Variants in XXYLT1 observed in about 807,000 individuals in gnomAD.
XXYLT1 encodes xyloside xylosyltransferase 1, also known as UDP-xylose:alpha-xyloside alpha-1,3-xylosyltransferase.
In XXYLT1, 20 loss-of-function variants were observed where a neutral mutation model predicts 28.9. The observed-to-expected ratio is 0.69, with a 90% confidence interval of 0.49 to 1.00. The LOEUF is 1.00. Among genes scored for constraint, XXYLT1 ranks in the 50% least tolerant of loss-of-function variants. XXYLT1 has a pLI of 0.00. For missense variants in XXYLT1, 542 were observed against 560.1 expected (o/e 0.97, Z 0.33); for synonymous variants, 257 against 253.8 (o/e 1.01, Z -0.12).
Position 195,257,872 on chromosome 3 carries a change from G to A in XXYLT1, c.504+12683C>T, listed in dbSNP as rs1046533947. Among the ~76,000 whole-genome samples, 2 of 152,004 alleles carry A rather than the reference G, an allele frequency of 1.3e-5. No individual in the cohort carries two copies. The highest frequency in any genetic ancestry group is 4.8e-5 in the African/African-American group (2 of 41,382). ...AGGTCACATGCTACCCACGTATCAT[G>A]GGTGTATATCCTCCAAGCTCCCTGC... On this transcript the variant is annotated intron_variant, in intron 1 of 3. Transcript: ENST00000310380. This position sits in a 1 kb window ranked among gnomAD's most constrained non-coding sequence, Gnocchi z 4.3.
chr3:195,180,662 C>T lies in XXYLT1; in HGVS notation c.653-24081G>A, dbSNP rs541184289. 10 of 551,736 alleles carry T rather than the reference C, an allele frequency of 1.8e-5. No homozygotes were observed. In the South Asian group the frequency reaches 5.6e-4, roughly 31 times the overall value. 34.2% of individuals were successfully genotyped at this position (551,736 alleles called of 1,614,324 possible). A position where few individuals can be genotyped will look rare whatever the true frequency, so the allele number is the denominator to read the frequency against. ...CTGGAGCACCCCGTGCCACTGCAAA[C>T]GTGACCAGGAACATGGGTCTGACAG... On this transcript the variant is annotated intron_variant, in intron 2 of 3. Transcript: ENST00000310380. This position sits in a 1 kb window ranked among gnomAD's most constrained non-coding sequence, Gnocchi z 5.8.
In XXYLT1 at chr3:195,270,842, GCTCCAGCGCGGGCGGC is replaced by G. The variant is rs1560186109; in HGVS notation, c.201_216del (p.Pro68Ter). The G allele has an allele frequency of 7.0e-7, 1 of 1,422,396 alleles. No individual in the cohort carries two copies. Among genetic ancestry groups the G allele is most frequent in the Non-Finnish European group, 9.1e-7 (1 of 1,093,194 alleles). 88.1% of individuals were successfully genotyped at this position (1,422,396 alleles called of 1,614,324 possible). A position where few individuals can be genotyped will look rare whatever the true frequency, so the allele number is the denominator to read the frequency against. On this transcript the variant is annotated frameshift_variant, in exon 1 of 4. Coordinates refer to ENST00000310380, the MANE Select transcript of XXYLT1 (RefSeq NM_152531.5). LOFTEE classifies it high-confidence loss of function. ...GCTGGCGCCACGGAGCCCCGCGCTA[GCTCCAGCGCGGGCGGC>G]GAGGGCGCGGCGGGAGCCCCGGCGC...
chr3:195,226,616 T>C, intron 2 of XXYLT1, 93 bp downstream of exon 2: 2 of 1,475,430 alleles, frequency 1.4e-6, no homozygotes, highest in Non-Finnish European at 1.8e-6. Context: ...GGAGCTATTC[T>C]CCCTGATACA....
intron 3 of XXYLT1, among the ~76,000 whole-genome samples, chr3:195,128,428 C>T (rs1402502887): frequency 6.6e-6 from 1 of 152,176 alleles, no homozygotes; most frequent in Non-Finnish European, 1.5e-5. Flanking sequence ...CACCATGCAA[C>T]CAATGTCAAC....
At chr3:195,248,895 G>A (rs558235147) in intron 1 of XXYLT1, among the ~76,000 whole-genome samples, 19 of 152,286 alleles carry the variant, frequency 1.2e-4, no homozygotes, top group African/African-American at 4.3e-4. Context: ...ACTCCAGCCT[G>A]GGGGACAGAG....
chr3:195,221,863 G>C (rs1723839789), intron 2 of XXYLT1, among the ~76,000 whole-genome samples: 1 of 152,186 alleles, frequency 6.6e-6, no homozygotes, highest in Non-Finnish European at 1.5e-5. Flanking sequence ...TGTCTGTGGA[G>C]GGCACACAGG....
At chr3:195,204,653 G>A (rs1438153039) in intron 2 of XXYLT1, among the ~76,000 whole-genome samples, 1 of 152,174 alleles carries the variant, frequency 6.6e-6, no homozygotes, top group Non-Finnish European at 1.5e-5. Context: ...GTCTTCATGG[G>A]TTGCTCAGGC....
chr3:195,166,779 T>C (rs1027791311), intron 2 of XXYLT1, among the ~76,000 whole-genome samples: 4 of 152,130 alleles, frequency 2.6e-5, no homozygotes, highest in Non-Finnish European at 1.5e-5. Flanking sequence ...CCTCCTGGGT[T>C]CAAGTGATTC....
chr3:195,093,031 C>G (rs1288549495), intron 3 of XXYLT1, among the ~76,000 whole-genome samples: 2 of 92,604 alleles, frequency 2.2e-5, no homozygotes. Context: ...CAGGAAACAA[C>G]AGGTGCTGGA....
Position 195,176,001 on chromosome 3 carries a change from G to C in XXYLT1, c.653-19420C>G, listed in dbSNP as rs1254640739. On this transcript the variant is annotated intron_variant, in intron 2 of 3. Transcript: ENST00000310380. The surrounding 1 kb of genome is among the most constrained non-coding windows in gnomAD (Gnocchi z 4.9). ...CACAGAGGTCATCAGTGTATACGTA[G>C]CAGCTTAAGTCAAGTAGACACAATC... 4 of 973,764 alleles carry C rather than the reference G, an allele frequency of 4.1e-6. No homozygotes were observed. Among genetic ancestry groups the C allele is most frequent in the Non-Finnish European group, 5.3e-6 (4 of 753,586 alleles). 60.3% of individuals were successfully genotyped at this position (973,764 alleles called of 1,614,324 possible).
intron 1 of XXYLT1, among the ~76,000 whole-genome samples, chr3:195,266,769 A>G (rs978748078): frequency 6.6e-6 from 1 of 152,120 alleles, no homozygotes; most frequent in Non-Finnish European, 1.5e-5. Context: ...CCATCCAAAT[A>G]CAGACTTCCA....
chr3:195,121,746 C>T (rs779014873), intron 3 of XXYLT1, among the ~76,000 whole-genome samples: 13 of 152,158 alleles, frequency 8.5e-5, no homozygotes, highest in Non-Finnish European at 1.6e-4. Flanking sequence ...CTCGCCAGGT[C>T]GGGGACTCAG....
chr3:195,113,810 G>A (rs1421433914), intron 3 of XXYLT1, among the ~76,000 whole-genome samples: 1 of 152,150 alleles, frequency 6.6e-6, no homozygotes, highest in African/African-American at 2.4e-5. Context: ...GGGTGGAAAG[G>A]AGCCCTGGGC....
At chr3:195,259,743 G>A in intron 1 of XXYLT1, 2 of 917,346 alleles carry the variant, frequency 2.2e-6, no homozygotes, top group African/African-American at 1.8e-5. Context: ...GGCGGCCTCG[G>A]GTCTTTTGCC....
intron 3 of XXYLT1, among the ~76,000 whole-genome samples, chr3:195,107,295 G>A (rs893683147): frequency 8.6e-5 from 13 of 151,360 alleles, no homozygotes; most frequent in Non-Finnish European, 1.6e-4. Context: ...CCAAGATGGC[G>A]AAACCTCGCC....
chr3:195,081,623 A>C (rs1264592142), intron 3 of XXYLT1, among the ~76,000 whole-genome samples: 1 of 152,260 alleles, frequency 6.6e-6, no homozygotes, highest in Admixed American at 6.5e-5. Context: ...TCTACACTGG[A>C]GAAGGCACTC....
chr3:195,109,492 T>A (rs1275756069), intron 3 of XXYLT1, among the ~76,000 whole-genome samples: 5 of 81,304 alleles, frequency 6.1e-5, no homozygotes, highest in Non-Finnish European at 1.4e-4. Context: ...GTGTGTGAGG[T>A]ATGTGTACGT....
intron 3 of XXYLT1, among the ~76,000 whole-genome samples, chr3:195,145,695 C>G (rs1373479682): frequency 6.6e-6 from 1 of 152,230 alleles, no homozygotes; most frequent in East Asian, 1.9e-4. Flanking sequence ...TCTGAAAGTC[C>G]ATAGAATCCA....
intron 2 of XXYLT1, among the ~76,000 whole-genome samples, chr3:195,159,870 G>T (rs1313433877): frequency 1.3e-5 from 2 of 152,260 alleles, no homozygotes; most frequent in East Asian, 3.9e-4. Flanking sequence ...AATTGGCGGT[G>T]GTGGATCTCA....
Sources: gnomAD v4.1 joint callset for allele counts (sites outside exome capture counted in the v4.1 genomes callset) on GRCh38, gnomAD v4.1.1 for gene constraint, Gnocchi (gnomAD v3.1) non-coding constraint, MANE v1.5 for transcripts, NCBI Gene and HGNC (gene_info 2026-07-23, HGNC 2026-07-21) for gene names.